The following DSCAML1 variants were observed in gnomAD, a reference collection of about 807,000 sequenced individuals.
DSCAML1 encodes the protein cell adhesion molecule DSCAML1.
A neutral mutation model predicts 200.5 loss-of-function variants in DSCAML1; 38 were observed. That is an observed-to-expected ratio of 0.19 (90% CI 0.15 to 0.25). The LOEUF (loss-of-function observed/expected upper bound fraction) is 0.25, where lower values mean the gene tolerates loss of function less well. Ranked by LOEUF, DSCAML1 falls within the 10% of genes least tolerant of loss-of-function variation. The pLI, the probability that DSCAML1 is intolerant of heterozygous loss-of-function variation, is 1.00. For synonymous variants in DSCAML1, 1,215 were observed against 1,165.0 expected (o/e 1.04, Z -0.87); for missense variants, 2,223 against 2,858.8 (o/e 0.78, Z 5.07).
At chr11:117,478,591 G>C (rs1346369969) in intron 14 of DSCAML1, among the ~76,000 whole-genome samples, 1 of 152,202 alleles carries the variant, frequency 6.6e-6, no homozygotes, top group Admixed American at 6.5e-5. Flanking sequence ...GACATTGTTA[G>C]CGGCTCTCAG....
At chr11:117,577,881 G>A (rs543791353) in intron 3 of DSCAML1, among the ~76,000 whole-genome samples, 1 of 150,880 alleles carries the variant, frequency 6.6e-6, no homozygotes, top group African/African-American at 2.4e-5. Context: ...GCAAGATTTT[G>A]TTATCCTACC....
chr11:117,547,242 G>A (rs2050388579), intron 3 of DSCAML1, among the ~76,000 whole-genome samples: 1 of 152,130 alleles, frequency 6.6e-6, no homozygotes, highest in Non-Finnish European at 1.5e-5. Context: ...TATGTTTCCC[G>A]CTGGGGGTGC....
intron 6 of DSCAML1, among the ~76,000 whole-genome samples, chr11:117,520,390 G>A (rs1225238349): frequency 6.6e-6 from 1 of 152,188 alleles, no homozygotes; most frequent in Non-Finnish European, 1.5e-5. Flanking sequence ...AGCCTGCCTT[G>A]AAGAGGTCTC....
chr11:117,461,642 G>A, intron 17 of DSCAML1, 46 bp from the exon 18 acceptor site: 1 of 1,567,886 alleles, frequency 6.4e-7, no homozygotes. Flanking sequence ...AGTCATGGAT[G>A]TGAGTGACAG....
At chr11:117,545,124 G>C (rs1302475633) in intron 3 of DSCAML1, among the ~76,000 whole-genome samples, 1 of 152,100 alleles carries the variant, frequency 6.6e-6, no homozygotes, top group Non-Finnish European at 1.5e-5. Context: ...CAGATACTCG[G>C]GAGGCCGAGG....
chr11:117,812,739 A>T (rs1234068602), intron 1 of DSCAML1, among the ~76,000 whole-genome samples: 1 of 144,362 alleles, frequency 6.9e-6, no homozygotes, highest in East Asian at 2.0e-4. Context: ...CTTCCTGCTG[A>T]TCGTGTCCGA....
chr11:117,792,764 G>T (rs2055494975), intron 1 of DSCAML1, among the ~76,000 whole-genome samples: 1 of 152,120 alleles, frequency 6.6e-6, no homozygotes, highest in African/African-American at 2.4e-5. Flanking sequence ...TAGCTAGTTT[G>T]CCCCTCTCTT....
At chr11:117,750,583 A>G (rs956954676) in intron 3 of DSCAML1, among the ~76,000 whole-genome samples, 1 of 152,158 alleles carries the variant, frequency 6.6e-6, no homozygotes, top group Non-Finnish European at 1.5e-5. Flanking sequence ...TGCTGCACTC[A>G]TGCCAGCCTT....
intron 1 of DSCAML1, chr11:117,817,361 TC>T (rs2055819765): frequency 6.5e-6 from 1 of 152,766 alleles, no homozygotes; most frequent in Non-Finnish European, 1.5e-5. Context: ...CTGGCTGCGT[TC>T]CCCTCACCCT....
At chr11:117,703,924 C>T (rs943649714) in intron 3 of DSCAML1, among the ~76,000 whole-genome samples, 23 of 152,200 alleles carry the variant, frequency 1.5e-4, no homozygotes, top group African/African-American at 5.5e-4. Flanking sequence ...AGGCTCTGTG[C>T]CAACTCTTCT....
intron 3 of DSCAML1, among the ~76,000 whole-genome samples, chr11:117,543,285 G>GGTGCATGCGCTGGCATGTTGT (rs2050304662): frequency 6.6e-6 from 1 of 152,212 alleles, no homozygotes. Flanking sequence ...AAGGGAGCAT[G>GGTGCATGCGCTGGCATGTTGT]GTGCATGCGC....
chr11:117,486,237 A>G (rs1177979902), intron 11 of DSCAML1, among the ~76,000 whole-genome samples: 1 of 116,380 alleles, frequency 8.6e-6, no homozygotes, highest in African/African-American at 3.2e-5. Flanking sequence ...AAAGTGGCGG[A>G]TGGGAAAGTG....
At chr11:117,525,167 C>G (rs1565765455) in intron 4 of DSCAML1, 84 bp from the exon 5 acceptor site, 7 of 1,430,558 alleles carry the variant, frequency 4.9e-6, no homozygotes, top group Non-Finnish European at 6.4e-6. Flanking sequence ...AGCACCCAGA[C>G]AGGAGCCTGC....
At chr11:117,677,945 G>C (rs2053244095) in intron 3 of DSCAML1, among the ~76,000 whole-genome samples, 1 of 152,180 alleles carries the variant, frequency 6.6e-6, no homozygotes, top group Admixed American at 6.5e-5. Context: ...CACTCACGAG[G>C]ACTGCCTGCC....
intron 1 of DSCAML1, among the ~76,000 whole-genome samples, chr11:117,815,311 GT>G (rs2055795762): frequency 6.6e-6 from 1 of 152,154 alleles, no homozygotes; most frequent in African/African-American, 2.4e-5. Context: ...TCTTGTGTCT[GT>G]TTTTTCCAAA....
At chr11:117,450,831 G>A in intron 19 of DSCAML1, 143 bp from the exon 20 acceptor site, 1 of 930,986 alleles carries the variant, frequency 1.1e-6, no homozygotes, top group Admixed American at 2.9e-5. Flanking sequence ...TAGAAGGGGA[G>A]GGTCCATCCA....
chr11:117,461,300 C>T (rs1259829820), intron 18 of DSCAML1, 150 bp downstream of exon 18: 1 of 1,113,888 alleles, frequency 9.0e-7, no homozygotes, highest in East Asian at 2.5e-5. Context: ...CCATTATCGC[C>T]CCCCGTGGTC....
At chr11:117,547,969 TC>T (rs1467627043) in intron 3 of DSCAML1, among the ~76,000 whole-genome samples, 1 of 152,052 alleles carries the variant, frequency 6.6e-6, no homozygotes, top group African/African-American at 2.4e-5. Context: ...TCAGCTCACA[TC>T]CCCTTCCTGG....
intron 3 of DSCAML1, among the ~76,000 whole-genome samples, chr11:117,774,396 G>A (rs147143813): frequency 2.0e-5 from 3 of 152,122 alleles, no homozygotes; most frequent in Non-Finnish European, 4.4e-5. Flanking sequence ...CCTAATAATC[G>A]CAATAACCTG....
Sources: gnomAD v4.1 joint callset for allele counts (sites outside exome capture counted in the v4.1 genomes callset) on GRCh38, gnomAD v4.1.1 for gene constraint, MANE v1.5 for transcripts, NCBI Gene and HGNC (gene_info 2026-07-23, HGNC 2026-07-21) for gene names.